The following RABGAP1L variants were observed in gnomAD, a reference collection of about 807,000 sequenced individuals.
The protein encoded by RABGAP1L is RAB GTPase activating protein 1 like, also known as rab GTPase-activating protein 1-like.
RABGAP1L carries 63 observed loss-of-function variants against 137.7 expected under a neutral mutation model. The observed-to-expected ratio is 0.46, with a 90% confidence interval of 0.37 to 0.56. The LOEUF (loss-of-function observed/expected upper bound fraction) is 0.56, where lower values mean the gene tolerates loss of function less well. RABGAP1L is among the 20% of genes least tolerant of loss of function. The pLI is 0.00. For synonymous variants in RABGAP1L, 431 were observed against 433.7 expected, an observed-to-expected ratio of 0.99 and a Z score of 0.08; for missense variants, 1,095 against 1,244.0, an observed-to-expected ratio of 0.88 and a Z score of 1.80.
At chr1:174,241,981 T>G (rs1671867934) in intron 5 of RABGAP1L, among the ~76,000 whole-genome samples, 1 of 152,204 alleles carries the variant, frequency 6.6e-6, no homozygotes, top group Non-Finnish European at 1.5e-5. Flanking sequence ...CCCTAGTAGA[T>G]TGGTCCATGT....
At chr1:174,524,692 A>G (rs915970136) in intron 13 of RABGAP1L, among the ~76,000 whole-genome samples, 8 of 143,736 alleles carry the variant, frequency 5.6e-5, no homozygotes, top group Non-Finnish European at 1.1e-4. Context: ...TGTGCTTTTA[A>G]GGTCTTAGCT....
At chr1:174,723,906 G>C (rs945339502) in intron 17 of RABGAP1L, among the ~76,000 whole-genome samples, 17 of 151,980 alleles carry the variant, frequency 1.1e-4, no homozygotes, top group Admixed American at 9.2e-4. Context: ...TAATGCCATG[G>C]TGAAATTGAT....
rs1024170193 is a variant in RABGAP1L at position 174,538,175 on chromosome 1, A to G, written c.1711-99200A>G. Among the ~76,000 whole-genome samples the G allele has an allele frequency of 1.1e-4, 16 of 152,246 alleles. 1 individual carries two copies. Among genetic ancestry groups the G allele is most frequent in the Admixed American group, 1.0e-3 (16 of 15,278 alleles). On this transcript the variant is annotated intron_variant, in intron 13 of 25. Coordinates refer to ENST00000681986, the MANE Select transcript of RABGAP1L (RefSeq NM_001366446.1). Reference sequence around the variant, plus strand: ...AAACCATTTCTTTGCTTATGTTGGTACTTCCATTTCTCTTTGCTGTGAACA... The same window carrying G: ...AAACCATTTCTTTGCTTATGTTGGTGCTTCCATTTCTCTTTGCTGTGAACA...
chr1:174,197,142 T>A (rs1558023471), intron 1 of RABGAP1L, among the ~76,000 whole-genome samples: 1 of 152,228 alleles, frequency 6.6e-6, no homozygotes, highest in Non-Finnish European at 1.5e-5. Flanking sequence ...GCTTTACATA[T>A]GAATTATATC....
intron 17 of RABGAP1L, among the ~76,000 whole-genome samples, chr1:174,737,399 C>T (rs1683046896): frequency 6.6e-6 from 1 of 152,160 alleles, no homozygotes; most frequent in African/African-American, 2.4e-5. Flanking sequence ...ACCTTTGCTC[C>T]AGTTCCTAAT....
intron 1 of RABGAP1L, among the ~76,000 whole-genome samples, chr1:174,170,325 A>T (rs1047651992): frequency 6.6e-6 from 1 of 152,190 alleles, no homozygotes; most frequent in Non-Finnish European, 1.5e-5. Flanking sequence ...AGGAACGATT[A>T]TAATATCATC....
Position 174,380,148 on chromosome 1 carries a change from A to G in RABGAP1L, c.1559+9076A>G, listed in dbSNP as rs1288062108. Among the ~76,000 whole-genome samples the G allele has an allele frequency of 2.0e-5, 3 of 151,702 alleles. No homozygotes were observed. The East Asian group carries it at 5.8e-4, about 29-fold the overall frequency. On this transcript the variant is annotated intron_variant, in intron 12 of 25. Transcript: ENST00000681986. ...TCCCAGGGTTGAAGCCCACTTGATC[A>G]TGGTGGATAAGCTTTTTGATGTGCT...
chr1:174,962,383 A>G (rs1285567602), intron 20 of RABGAP1L, among the ~76,000 whole-genome samples: 1 of 152,170 alleles, frequency 6.6e-6, no homozygotes, highest in African/African-American at 2.4e-5. Context: ...ATCCATGTTC[A>G]GTACAATTAA....
At chr1:174,767,874 A>G (rs1685806358) in intron 18 of RABGAP1L, among the ~76,000 whole-genome samples, 1 of 152,202 alleles carries the variant, frequency 6.6e-6, no homozygotes, top group East Asian at 1.9e-4. Flanking sequence ...TGAAGGTGAA[A>G]GGCACATCTC....
At chr1:174,767,705 A>G (rs1685790062) in intron 18 of RABGAP1L, among the ~76,000 whole-genome samples, 1 of 152,172 alleles carries the variant, frequency 6.6e-6, no homozygotes, top group South Asian at 2.1e-4. Flanking sequence ...ATGTATGTGT[A>G]TTGTGTGTTT....
chr1:174,300,886 G>C (rs995811014), intron 10 of RABGAP1L, among the ~76,000 whole-genome samples: 2 of 152,142 alleles, frequency 1.3e-5, no homozygotes, highest in Admixed American at 6.5e-5. Flanking sequence ...ATGAATGAAT[G>C]AATCAATGTC....
At chr1:174,339,689 C>G (rs1220670875) in intron 11 of RABGAP1L, among the ~76,000 whole-genome samples, 12 of 152,098 alleles carry the variant, frequency 7.9e-5, no homozygotes, top group Non-Finnish European at 1.8e-4. Context: ...TCACTGCAAC[C>G]TCTGCTTCCC....
At chr1:174,174,149 A>T (rs1167921488) in intron 1 of RABGAP1L, among the ~76,000 whole-genome samples, 2 of 152,060 alleles carry the variant, frequency 1.3e-5, no homozygotes, top group East Asian at 3.9e-4. Context: ...TGATAACAAG[A>T]CAGATTTCTG....
At chr1:174,484,657 C>T (rs2149338583) in intron 13 of RABGAP1L, among the ~76,000 whole-genome samples, 1 of 152,256 alleles carries the variant, frequency 6.6e-6, no homozygotes, top group Admixed American at 6.5e-5. Flanking sequence ...ACTGTCCTTT[C>T]CCCAATGTAT....
chr1:174,305,477 C>T (rs1467645570), intron 11 of RABGAP1L, among the ~76,000 whole-genome samples: 4 of 152,042 alleles, frequency 2.6e-5, no homozygotes, highest in African/African-American at 7.2e-5. Flanking sequence ...CTCTGCCTCC[C>T]GGGTTCAAAC....
At chr1:174,522,064 G>A (rs940147511) in intron 13 of RABGAP1L, among the ~76,000 whole-genome samples, 2 of 124,786 alleles carry the variant, frequency 1.6e-5, no homozygotes, top group African/African-American at 4.1e-5. Context: ...GGACAACAGA[G>A]CGAGACTCTG....
At chr1:174,749,362 G>A (rs115964723) in intron 17 of RABGAP1L, among the ~76,000 whole-genome samples, 2,217 of 150,642 alleles carry the variant, frequency 0.015, 44 homozygotes, top group African/African-American at 0.051. Context: ...ACAGGGTCTC[G>A]CTGTGTCATC....
intron 1 of RABGAP1L, among the ~76,000 whole-genome samples, chr1:174,164,146 G>C (rs1403310224): frequency 6.7e-6 from 1 of 150,086 alleles, no homozygotes; most frequent in African/African-American, 2.5e-5. Context: ...TTGATAGTAG[G>C]AGTGTGTTAT....
chr1:174,171,351 T>C (rs1454867935), intron 1 of RABGAP1L, among the ~76,000 whole-genome samples: 3 of 152,178 alleles, frequency 2.0e-5, no homozygotes, highest in African/African-American at 4.8e-5. Context: ...TGTTTTGCTA[T>C]ACATATACAA....
Sources: gnomAD v4.1 joint callset for allele counts (sites outside exome capture counted in the v4.1 genomes callset) on GRCh38, gnomAD v4.1.1 for gene constraint, MANE v1.5 for transcripts, NCBI Gene and HGNC (gene_info 2026-07-23, HGNC 2026-07-21) for gene names.